Variants in TUSC3 observed in about 807,000 individuals in gnomAD.
TUSC3 encodes the protein tumor suppressor candidate 3.
In TUSC3, 45 loss-of-function variants were observed where a neutral mutation model predicts 44.8. The ratio of observed to expected loss-of-function variants is 1.00; its 90% CI spans 0.79 to 1.29. The LOEUF is 1.29. Among genes scored for constraint, TUSC3 ranks in the 50% most tolerant of loss-of-function variants. The pLI is 0.00. For synonymous variants in TUSC3, 212 were observed against 152.9 expected (o/e 1.39, Z -2.85); for missense variants, 519 against 437.9 (o/e 1.19, Z -1.65).
intron 1 of TUSC3, among the ~76,000 whole-genome samples, chr8:15,614,268 G>C (rs992073051): frequency 2.6e-5 from 4 of 151,792 alleles, no homozygotes; most frequent in Non-Finnish European, 5.9e-5. Context: ...TATTGGATGA[G>C]GCTCACTTAT....
chr8:15,491,341 G>C (rs1455756350), intron 2 of TUSC3, among the ~76,000 whole-genome samples: 2 of 152,232 alleles, frequency 1.3e-5, no homozygotes, highest in East Asian at 3.9e-4. Flanking sequence ...ACGTGAGGGA[G>C]GTATGTAGCT....
the TUSC3 span, among the ~76,000 whole-genome samples, chr8:15,841,685 T>G: frequency 6.6e-6 from 1 of 152,164 alleles, no homozygotes; most frequent in Non-Finnish European, 1.5e-5. Flanking sequence ...AGCTAATATT[T>G]GTATTTTTAG....
intron 3 of TUSC3, among the ~76,000 whole-genome samples, chr8:15,653,095 A>G (rs941825555): frequency 1.3e-5 from 2 of 152,278 alleles, no homozygotes; most frequent in Middle Eastern, 3.4e-3. Context: ...ACTTTTTCAA[A>G]ATACTTTTAT....
intron 2 of TUSC3, among the ~76,000 whole-genome samples, chr8:15,634,351 C>T (rs567712982): frequency 2.0e-5 from 3 of 152,240 alleles, no homozygotes; most frequent in African/African-American, 7.2e-5. Flanking sequence ...TAGACAGACC[C>T]GCAGGGAGTA....
chr8:15,484,954 G>C (rs761075807), intron 2 of TUSC3, among the ~76,000 whole-genome samples: 13 of 152,070 alleles, frequency 8.5e-5, no homozygotes, highest in Non-Finnish European at 1.6e-4. Context: ...CTTGAACTTT[G>C]GTTATTTTCT....
chr8:15,549,922 A>T (rs1035564064), intron 1 of TUSC3, among the ~76,000 whole-genome samples: 1 of 151,698 alleles, frequency 6.6e-6, no homozygotes, highest in Non-Finnish European at 1.5e-5. Flanking sequence ...GAGCATCAGC[A>T]GACTCACATC....
the TUSC3 span, among the ~76,000 whole-genome samples, chr8:15,815,160 A>C: frequency 1.3e-5 from 2 of 152,222 alleles, no homozygotes; most frequent in African/African-American, 4.8e-5. Flanking sequence ...ATACTTGTAC[A>C]TAAAAATGTT....
rs550344520 is a variant in TUSC3 at position 15,510,782 on chromosome 8, A to C, written n.189+27299A>C. Among the ~76,000 whole-genome samples the C allele has an allele frequency of 1.1e-4, 17 of 152,036 alleles. No homozygotes were observed. In the South Asian group the frequency reaches 3.1e-3, roughly 28 times the overall value. On this transcript the variant is annotated intron_variant and non_coding_transcript_variant, in intron 2 of 5. Transcript: ENST00000503191. Reference sequence around the variant, plus strand: ...AAACCAAGATACTATTTAAAAAAAAACAGAAAGACAAATATCCCTCATGAC... The same window carrying C: ...AAACCAAGATACTATTTAAAAAAAACCAGAAAGACAAATATCCCTCATGAC...
At chr8:15,612,548 A>C (rs1804808577) in intron 1 of TUSC3, among the ~76,000 whole-genome samples, 1 of 152,188 alleles carries the variant, frequency 6.6e-6, no homozygotes, top group Admixed American at 6.5e-5. Flanking sequence ...TGGTATATAG[A>C]TTATGCCAGC....
the TUSC3 span, among the ~76,000 whole-genome samples, chr8:15,831,444 C>T: frequency 1.2e-4 from 19 of 152,094 alleles, no homozygotes; most frequent in African/African-American, 3.9e-4. Flanking sequence ...GTTCTGAACT[C>T]GGCTGAGATG....
chr8:15,547,455 A>G (rs1009396879), intron 1 of TUSC3, among the ~76,000 whole-genome samples: 1 of 151,652 alleles, frequency 6.6e-6, no homozygotes, highest in South Asian at 2.1e-4. Flanking sequence ...TACTAAATTG[A>G]ATGAAATACC....
intron 2 of TUSC3, among the ~76,000 whole-genome samples, chr8:15,625,476 T>A (rs539606368): frequency 6.6e-6 from 1 of 152,224 alleles, no homozygotes; most frequent in Admixed American, 6.5e-5. Flanking sequence ...TCTGGAGATA[T>A]CTTCCAGAAA....
At chr8:15,694,101 C>T (rs548189136) in intron 6 of TUSC3, among the ~76,000 whole-genome samples, 9 of 152,026 alleles carry the variant, frequency 5.9e-5, no homozygotes, top group Non-Finnish European at 1.0e-4. Flanking sequence ...TAGTGATCTT[C>T]GTTTTTATCC....
intron 1 of TUSC3, among the ~76,000 whole-genome samples, chr8:15,445,100 A>G (rs1303057324): frequency 6.6e-6 from 1 of 152,212 alleles, no homozygotes; most frequent in Admixed American, 6.5e-5. Context: ...GAAGCTGTGA[A>G]CATAGCCCTT....
the TUSC3 span, among the ~76,000 whole-genome samples, chr8:15,792,059 C>G: frequency 2.0e-5 from 3 of 152,038 alleles, no homozygotes; most frequent in African/African-American, 7.2e-5. Context: ...GGTTGGATGT[C>G]TGTTTGCCAG....
chr8:15,846,819 G>A, the TUSC3 span, among the ~76,000 whole-genome samples: 1,903 of 149,548 alleles, frequency 0.013, 34 homozygotes, highest in African/African-American at 0.044. Context: ...GCATACCCAT[G>A]TAACAAACCT....
At chr8:15,604,901 G>A (rs943136531) in intron 1 of TUSC3, among the ~76,000 whole-genome samples, 1 of 151,740 alleles carries the variant, frequency 6.6e-6, no homozygotes, top group Non-Finnish European at 1.5e-5. Context: ...TTGGTTTCTT[G>A]TATCTGTTTT....
intron 5 of TUSC3, among the ~76,000 whole-genome samples, chr8:15,666,354 A>G (rs1032445568): frequency 3.3e-5 from 5 of 151,578 alleles, no homozygotes; most frequent in African/African-American, 1.2e-4. Flanking sequence ...TCACCGTAGG[A>G]TAGAAGCTGT....
Position 15,511,990 on chromosome 8 carries a change from C to T in TUSC3, n.189+28507C>T, listed in dbSNP as rs1801142975. On this transcript the variant is annotated intron_variant and non_coding_transcript_variant, in intron 2 of 5. Coordinates refer to the TUSC3 transcript ENST00000503191. ...CAATCCCCATCCAAGTTCCAGTAAG[C>T]GTGTTTAGAAATTGACAAGCTGATT... 3.9e-5 allele frequency among the ~76,000 whole-genome samples: 6 copies of T among 152,162 alleles called. No homozygotes were observed. The South Asian group carries it at 1.2e-3, about 32-fold the overall frequency.
Sources: allele counts gnomAD v4.1 joint callset (sites outside exome capture counted in the v4.1 genomes callset), GRCh38; gene constraint gnomAD v4.1.1; transcripts MANE v1.5; gene names NCBI Gene and HGNC (gene_info 2026-07-23, HGNC 2026-07-21).